OGFOD1: variants seen among roughly 807,000 people sequenced by gnomAD.
OGFOD1 encodes 2-oxoglutarate and iron dependent oxygenase domain containing 1, also known as prolyl 3-hydroxylase OGFOD1.
A neutral mutation model predicts 67.7 loss-of-function variants in OGFOD1; 54 were observed. The ratio of observed to expected loss-of-function variants is 0.80; its 90% CI spans 0.64 to 1.00. The LOEUF is 1.00. Among genes scored for constraint, OGFOD1 ranks in the 50% least tolerant of loss-of-function variants. OGFOD1 has a pLI of 0.00. For missense variants in OGFOD1, 606 were observed against 646.7 expected (o/e 0.94, Z 0.68); for synonymous variants, 221 against 227.0 (o/e 0.97, Z 0.24).
intron 3 of OGFOD1, among the ~76,000 whole-genome samples, chr16:56,461,160 G>A (rs1962698371): frequency 6.6e-6 from 1 of 152,238 alleles, no homozygotes; most frequent in African/African-American, 2.4e-5. Context: ...TATAATAAAT[G>A]TATATTTGGT....
rs1268100303 is a variant in OGFOD1 at position 56,476,140 on chromosome 16, G to T, written c.1564G>T (p.Glu522Ter). Residue 522 changes from glutamate (E) to a stop codon, truncating the protein, a stop_gained, in exon 13 of 13, where the codon GAA becomes TAA. Transcript: ENST00000566157. LOFTEE classifies it high-confidence loss of function. ...CAAGCATATTAACCACCGAAGCCTGGAACAAAAGAAAACCTTCCCAAACAG... is the reference window on the plus strand; with the variant it reads ...CAAGCATATTAACCACCGAAGCCTGTAACAAAAGAAAACCTTCCCAAACAG... Reference protein sequence around the residue: ...FVKHINHRSLEQKKTFPNRTG... With the variant: ...FVKHINHRSL 6.2e-7 allele frequency: 1 copy of T among 1,613,796 alleles called. No homozygotes were observed. Among genetic ancestry groups the T allele is most frequent in the Admixed American group, 1.7e-5 (1 of 60,022 alleles).
At chr16:56,454,115 A>AG (rs1168477706) in intron 2 of OGFOD1, among the ~76,000 whole-genome samples, 1 of 152,220 alleles carries the variant, frequency 6.6e-6, no homozygotes, top group Non-Finnish European at 1.5e-5. Flanking sequence ...TGGGAGGCCA[A>AG]GGCGGGTAGA....
At chr16:56,470,423 T>G (rs189415203) in intron 9 of OGFOD1, 64 bp from the exon 10 acceptor site, 1 of 1,437,984 alleles carries the variant, frequency 7.0e-7, no homozygotes, top group African/African-American at 1.4e-5. Flanking sequence ...ACGATCAGCT[T>G]TTATTCTGTG....
In OGFOD1 at chr16:56,454,443, C is replaced by T. The variant is rs554430476; in HGVS notation, c.300+1035C>T. 2.5e-3 allele frequency among the ~76,000 whole-genome samples: 364 copies of T among 145,922 alleles called. 3 individuals carry two copies. The highest frequency in any genetic ancestry group is 9.0e-3 in the African/African-American group (346 of 38,612). On this transcript the variant is annotated intron_variant, in intron 2 of 12. Coordinates refer to ENST00000566157, the MANE Select transcript of OGFOD1 (RefSeq NM_018233.4). ...TTGCAGTAGGGCAAAGCGTTAAATC[C>T]GTTCTTTTTTTTTTTGGTGGACAGT... is the stretch of plus-strand genomic sequence containing the variant.
intron 3 of OGFOD1, among the ~76,000 whole-genome samples, chr16:56,462,282 A>G (rs959327700): frequency 2.6e-5 from 4 of 152,194 alleles, no homozygotes; most frequent in Non-Finnish European, 5.9e-5. Context: ...AGAAAACATG[A>G]ACCATTAGAA....
At chr16:56,467,020 C>T (rs1221537153) in intron 6 of OGFOD1, 53 bp downstream of exon 6, 2 of 1,531,428 alleles carry the variant, frequency 1.3e-6, no homozygotes, top group African/African-American at 1.4e-5. Flanking sequence ...TTTTAATCAC[C>T]CATTATCCAA....
rs140156649 is a variant in OGFOD1, at chr16:56,465,280, G to A, written c.449-872G>A. On this transcript the variant is annotated intron_variant, in intron 4 of 12. Coordinates refer to ENST00000566157, the MANE Select transcript of OGFOD1 (RefSeq NM_018233.4). ...CTCCCAAAGTGCTGGGATTACAGGC[G>A]TGAGCCACCGTGCCCGGCCTGTATT... Among the ~76,000 whole-genome samples the A allele has an allele frequency of 8.8e-3, 1,342 of 152,222 alleles. 11 individuals carry two copies. The highest frequency in any genetic ancestry group is 0.015 in the Admixed American group (232 of 15,290).
chr16:56,458,141 A>AC (rs1385698012), intron 2 of OGFOD1: 1 of 200,860 alleles, frequency 5.0e-6, no homozygotes, highest in African/African-American at 2.4e-5. Flanking sequence ...TCTTTGTATC[A>AC]CCTCCCTGAA....
chr16:56,454,645 T>TG (rs201899263), intron 2 of OGFOD1: 72 of 319,266 alleles, frequency 2.3e-4, no homozygotes, highest in Non-Finnish European at 2.4e-4. Context: ...TGCTTCAAAT[T>TG]GGGGGGGGAA....
intron 10 of OGFOD1, among the ~76,000 whole-genome samples, chr16:56,474,194 TAAC>T (rs1347419808): frequency 6.6e-6 from 1 of 152,150 alleles, no homozygotes; most frequent in African/African-American, 2.4e-5. Flanking sequence ...CTTTAGGTAA[TAAC>T]ATGCTGAGAA....
At chr16:56,452,588 A>G (rs1375914781) in intron 1 of OGFOD1, among the ~76,000 whole-genome samples, 1 of 152,170 alleles carries the variant, frequency 6.6e-6, no homozygotes. Context: ...AGAAAACGAT[A>G]GCTTAGTGTT....
rs368153525 is a variant in OGFOD1 at position 56,458,580 on chromosome 16, C to T, written c.333C>T (p.His111=). The part of the protein sequence containing the change: ...SDDLKKRREP[H]ISTLRKILFE... ...ATTTGAAGAAGAGAAGAGAGCCTCA[C>T]ATCTCCACTTTAAGGTAAACAAGTA... Residue 111 remains histidine (H), a synonymous_variant, in exon 3 of 13, where the codon CAC becomes CAT. Transcript: ENST00000566157. 1.2e-5 allele frequency: 20 copies of T among 1,613,350 alleles called. No homozygotes were observed. The highest frequency in any genetic ancestry group is 1.7e-5 in the Non-Finnish European group (20 of 1,179,412).
In OGFOD1 at chr16:56,467,126, A is replaced by G. The variant is rs16967624; in HGVS notation, c.658-39A>G. On this transcript the variant is annotated intron_variant, in intron 6 of 12. Coordinates refer to ENST00000566157, the MANE Select transcript of OGFOD1 (RefSeq NM_018233.4). ...AATGTGCATTGGCGGTAATCCCCCT[A>G]TTCTTCGTGTTGATGTGCTACTGGG... 5,880 of 1,613,628 alleles carry G rather than the reference A, an allele frequency of 3.6e-3. 176 individuals are homozygous for G. In the African/African-American group the frequency reaches 0.065, roughly 18 times the overall value.
In OGFOD1 at chr16:56,467,517, C is replaced by G. The variant is rs534023586; in HGVS notation, c.786+224C>G. On this transcript the variant is annotated intron_variant, in intron 7 of 12. Coordinates refer to ENST00000566157, the MANE Select transcript of OGFOD1 (RefSeq NM_018233.4). ...TCTTGGCTCACTACAACCTCCACCT[C>G]CTGGGTTCAAGCGATTCTCCTGCCT... is the stretch of plus-strand genomic sequence containing the variant. Among the ~76,000 whole-genome samples, 273 of 151,460 alleles carry G rather than the reference C, an allele frequency of 1.8e-3. 1 individual carries two copies. The highest frequency in any genetic ancestry group is 3.0e-3 in the Non-Finnish European group (205 of 67,914).
At chr16:56,471,523 T>C (rs1332117229) in intron 10 of OGFOD1, among the ~76,000 whole-genome samples, 2 of 152,208 alleles carry the variant, frequency 1.3e-5, no homozygotes, top group African/African-American at 2.4e-5. Context: ...CATTAAAAAG[T>C]AGCAACAAAT....
chr16:56,454,653 G>GGA, intron 2 of OGFOD1: 1 of 299,186 alleles, frequency 3.3e-6, no homozygotes, highest in Non-Finnish European at 6.6e-6. Flanking sequence ...ATTGGGGGGG[G>GGA]AAAAAAAAAA....
chr16:56,477,829 TTC>T lies in OGFOD1; in HGVS notation c.*1628_*1629del, dbSNP rs1963547351. 1 of 152,234 alleles carries T rather than the reference TTC, an allele frequency of 6.6e-6. No individual in the cohort carries two copies. Among genetic ancestry groups the T allele is most frequent in the South Asian group, 2.1e-4 (1 of 4,830 alleles). 9.4% of individuals were successfully genotyped at this position (152,234 alleles called of 1,614,324 possible). The stretch of plus-strand genomic sequence containing the variant: ...GGGCCTTTAAACTTCTTAACTACTC[TTC>T]TCTTTCATCTCCTAAAACTTTTGAG... On this transcript the variant is annotated 3_prime_UTR_variant, in exon 13 of 13. Coordinates refer to ENST00000566157, the MANE Select transcript of OGFOD1 (RefSeq NM_018233.4).
rs1259831486 is a variant in OGFOD1, at chr16:56,477,710, TAG to T, written c.*1508_*1509del. ...AGATGCTGTTCTCATTCCATCCCAA[TAG>T]AGTCTTCTGTTTCCTTTCTCTTTTT... On this transcript the variant is annotated 3_prime_UTR_variant, in exon 13 of 13. Transcript: ENST00000566157. The T allele has an allele frequency of 3.9e-5, 6 of 152,220 alleles. No homozygotes were observed. Among genetic ancestry groups the T allele is most frequent in the African/African-American group, 7.2e-5 (3 of 41,456 alleles). 9.4% of individuals were successfully genotyped at this position (152,220 alleles called of 1,614,324 possible).
intron 11 of OGFOD1, among the ~76,000 whole-genome samples, 187 bp downstream of exon 11, chr16:56,475,137 A>G (rs1173088865): frequency 1.3e-5 from 2 of 152,210 alleles, no homozygotes; most frequent in East Asian, 1.9e-4. Flanking sequence ...AATAGGATTT[A>G]TATCTGTGAC....
Sources: gnomAD v4.1 joint callset for allele counts (sites outside exome capture counted in the v4.1 genomes callset) on GRCh38, gnomAD v4.1.1 for gene constraint, MANE v1.5 for transcripts, NCBI Gene and HGNC (gene_info 2026-07-23, HGNC 2026-07-21) for gene names.